Variants in SUCLG2 observed in about 807,000 individuals in gnomAD.
SUCLG2 encodes succinate-CoA ligase GDP-forming subunit beta.
A neutral mutation model predicts 47.9 loss-of-function variants in SUCLG2; 42 were observed. The ratio of observed to expected loss-of-function variants is 0.88; its 90% CI spans 0.69 to 1.14. SUCLG2 has a LOEUF of 1.14. Ranked by LOEUF, SUCLG2 falls within the 50% of genes most tolerant of loss-of-function variation. The pLI is 0.00. For missense variants in SUCLG2, 571 were observed against 525.9 expected (o/e 1.09, Z -0.84); for synonymous variants, 195 against 197.3 (o/e 0.99, Z 0.10).
chr3:67,570,205 A>G (rs1422898635), intron 2 of SUCLG2, among the ~76,000 whole-genome samples: 2 of 152,228 alleles, frequency 1.3e-5, no homozygotes, highest in Non-Finnish European at 2.9e-5. Flanking sequence ...TCTAGCTTTC[A>G]GAACTATGAA....
chr3:67,520,412 C>A (rs752304161), intron 5 of SUCLG2, 70 bp downstream of exon 5: 1 of 1,601,428 alleles, frequency 6.2e-7, no homozygotes, highest in Admixed American at 1.7e-5. Context: ...CCTTAGACTC[C>A]CCATTAAATA....
intron 1 of SUCLG2, among the ~76,000 whole-genome samples, chr3:67,638,344 A>T (rs1160404301): frequency 1.3e-5 from 2 of 152,230 alleles, no homozygotes; most frequent in African/African-American, 4.8e-5. Flanking sequence ...GCAAAGGCCC[A>T]AAACCTGCCC....
chr3:67,557,173 G>A (rs1458113821), intron 2 of SUCLG2, among the ~76,000 whole-genome samples: 1 of 152,078 alleles, frequency 6.6e-6, no homozygotes, highest in African/African-American at 2.4e-5. Context: ...ATAAAGGATA[G>A]GAAGAATCTC....
At chr3:67,517,549 A>T (rs1305313889) in intron 6 of SUCLG2, among the ~76,000 whole-genome samples, 2 of 152,174 alleles carry the variant, frequency 1.3e-5, no homozygotes, top group Non-Finnish European at 2.9e-5. Context: ...TAGACACATA[A>T]TCAGGTGCCA....
At chr3:67,632,052 A>G (rs1700935008) in intron 1 of SUCLG2, among the ~76,000 whole-genome samples, 1 of 152,220 alleles carries the variant, frequency 6.6e-6, no homozygotes, top group Non-Finnish European at 1.5e-5. Context: ...TACAGATTTC[A>G]GCCCATATGC....
intron 9 of SUCLG2, among the ~76,000 whole-genome samples, chr3:67,461,498 T>C (rs1704332564): frequency 6.6e-6 from 1 of 151,562 alleles, no homozygotes; most frequent in African/African-American, 2.4e-5. Flanking sequence ...TCATATATTA[T>C]GTATCAGGTA....
intron 9 of SUCLG2, among the ~76,000 whole-genome samples, chr3:67,483,575 C>T (rs1704974425): frequency 6.6e-6 from 1 of 152,198 alleles, no homozygotes; most frequent in Admixed American, 6.5e-5. Flanking sequence ...AAACGATTTT[C>T]TATCCTCTTT....
chr3:67,548,335 T>C (rs946963884), intron 2 of SUCLG2, among the ~76,000 whole-genome samples: 1 of 152,140 alleles, frequency 6.6e-6, no homozygotes, highest in African/African-American at 2.4e-5. Context: ...CTAGTAAATA[T>C]CCACATATAA....
intron 9 of SUCLG2, among the ~76,000 whole-genome samples, chr3:67,446,417 ATT>A (rs750956324): frequency 0.12 from 3,739 of 31,036 alleles, 296 homozygotes; most frequent in East Asian, 0.16. Context: ...ACATATGTAC[ATT>A]TTTTTTTTTT....
intron 6 of SUCLG2, among the ~76,000 whole-genome samples, chr3:67,517,258 T>G (rs1705968398): frequency 1.3e-5 from 2 of 152,196 alleles, no homozygotes. Context: ...CCTCTTTGAC[T>G]TGCCTACTGT....
chr3:67,644,795 A>C (rs1701163544), intron 1 of SUCLG2, among the ~76,000 whole-genome samples: 1 of 152,188 alleles, frequency 6.6e-6, no homozygotes, highest in South Asian at 2.1e-4. Flanking sequence ...AAAGGAACTT[A>C]ATGATCCAAA....
chr3:67,583,198 C>T (rs1707927628), intron 2 of SUCLG2, among the ~76,000 whole-genome samples: 1 of 151,982 alleles, frequency 6.6e-6, no homozygotes, highest in African/African-American at 2.4e-5. Flanking sequence ...TCTGGCCATG[C>T]CACTTCCAGC....
At chr3:67,397,775 C>T (rs959398454) in intron 10 of SUCLG2, among the ~76,000 whole-genome samples, 1 of 152,184 alleles carries the variant, frequency 6.6e-6, no homozygotes, top group Non-Finnish European at 1.5e-5. Flanking sequence ...AACTATACTA[C>T]AAGGCTACAG....
At chr3:67,430,428 A>C (rs2106883466) in intron 9 of SUCLG2, among the ~76,000 whole-genome samples, 1 of 152,306 alleles carries the variant, frequency 6.6e-6, no homozygotes, top group South Asian at 2.1e-4. Flanking sequence ...ACATACCAGA[A>C]TCTCTGAGAC....
rs1490059892 is a variant in SUCLG2, at chr3:67,443,020, G to T, written c.1063-42169C>A. ...CAGAAACGAAAAAAAGGACGGTTTTGCCTGTGCTTAACATGTACAGACTTT... is the reference window on the plus strand; with the variant it reads ...CAGAAACGAAAAAAAGGACGGTTTTTCCTGTGCTTAACATGTACAGACTTT... On this transcript the variant is annotated intron_variant, in intron 9 of 10. Coordinates refer to ENST00000307227, the MANE Select transcript of SUCLG2 (RefSeq NM_003848.4). Among the ~76,000 whole-genome samples, 4 of 152,252 alleles carry T rather than the reference G, an allele frequency of 2.6e-5. No homozygotes were observed. In the East Asian group the frequency reaches 7.7e-4, roughly 29 times the overall value.
chr3:67,497,157 T>A (rs1025795232), intron 8 of SUCLG2, among the ~76,000 whole-genome samples: 11 of 152,346 alleles, frequency 7.2e-5, no homozygotes, highest in Non-Finnish European at 1.0e-4. Flanking sequence ...ATTGCTCCAA[T>A]ACAAAGCAAG....
intron 9 of SUCLG2, among the ~76,000 whole-genome samples, chr3:67,427,924 C>G (rs1244960230): frequency 6.6e-6 from 1 of 152,192 alleles, no homozygotes; most frequent in African/African-American, 2.4e-5. Context: ...GGAGGGGCGT[C>G]CACCATTGCT....
At chr3:67,590,634 C>T (rs932121305) in intron 2 of SUCLG2, among the ~76,000 whole-genome samples, 4 of 152,156 alleles carry the variant, frequency 2.6e-5, no homozygotes, top group Admixed American at 2.6e-4. Flanking sequence ...TTAAGTTCCT[C>T]GAGGCCTTCC....
intron 2 of SUCLG2, among the ~76,000 whole-genome samples, chr3:67,605,012 T>C (rs76034103): frequency 0.017 from 2,547 of 152,320 alleles, 68 homozygotes; most frequent in African/African-American, 0.057. Flanking sequence ...CTCTGTGAGT[T>C]AGAATCACAA....
Sources: allele counts gnomAD v4.1 joint callset (sites outside exome capture counted in the v4.1 genomes callset), GRCh38; gene constraint gnomAD v4.1.1; transcripts MANE v1.5; gene names NCBI Gene and HGNC (gene_info 2026-07-23, HGNC 2026-07-21).